CSMD1: variants seen among roughly 807,000 people sequenced by gnomAD.
CSMD1 encodes CUB and sushi domain-containing protein 1.
Under a neutral mutation model 417.5 loss-of-function variants are expected in CSMD1, and 213 were observed. That is an observed-to-expected ratio of 0.51 (90% CI 0.46 to 0.57). The LOEUF is 0.57. Among genes scored for constraint, CSMD1 ranks in the 20% least tolerant of loss-of-function variants. CSMD1 has a pLI of 0.00. For missense variants in CSMD1, 6,923 were observed against 4,529.7 expected, an observed-to-expected ratio of 1.53 and a Z score of -15.17; for synonymous variants, 2,862 against 1,736.8, an observed-to-expected ratio of 1.65 and a Z score of -16.11.
intron 7 of CSMD1, among the ~76,000 whole-genome samples, chr8:3,633,926 T>A (rs1448621651): frequency 6.6e-6 from 1 of 152,190 alleles, no homozygotes; most frequent in African/African-American, 2.4e-5. Context: ...ATAAAATACA[T>A]AAAATATATC....
At chr8:3,394,992 A>C (rs1436806106) in intron 17 of CSMD1, among the ~76,000 whole-genome samples, 1 of 152,156 alleles carries the variant, frequency 6.6e-6, no homozygotes, top group Non-Finnish European at 1.5e-5. Flanking sequence ...TACTTATATG[A>C]GTATGTAAAA....
chr8:3,151,407 G>C lies in CSMD1; in HGVS notation c.6021C>G (p.Pro2007=). ...NLDCTWRISL[P]IGYGAHIQFL... is the part of the protein sequence containing the mutation. ...AACATTTTCACTTACCATAGCCGAT[G>C]GGTAATGAGATCCTCCAGGTGCAGT... is the stretch of plus-strand genomic sequence containing the variant. The change falls in exon 40 of 70, where the codon CCC becomes CCG. Residue 2007 remains proline (P), a synonymous_variant. Transcript: ENST00000635120. 6.2e-7 allele frequency: 1 copy of C among 1,607,478 alleles called. No homozygotes were observed. The highest frequency in any genetic ancestry group is 8.5e-7 in the Non-Finnish European group (1 of 1,174,390).
chr8:3,249,839 A>C (rs577860920), intron 26 of CSMD1, among the ~76,000 whole-genome samples: 2 of 152,314 alleles, frequency 1.3e-5, no homozygotes, highest in African/African-American at 4.8e-5. Flanking sequence ...TATTTTGCAA[A>C]TGGCTAATGG....
chr8:3,673,999 TC>T (rs1249902829), intron 7 of CSMD1, among the ~76,000 whole-genome samples: 1 of 152,096 alleles, frequency 6.6e-6, no homozygotes, highest in Non-Finnish European at 1.5e-5. Context: ...ATGCCTGTGG[TC>T]CCAGCCACTG....
In CSMD1 at chr8:2,936,967, A is replaced by C. The variant is rs1801528413; in HGVS notation, c.*1618T>G. 6.6e-6 allele frequency: 1 copy of C among 152,264 alleles called. No individual in the cohort carries two copies. Among genetic ancestry groups the C allele is most frequent in the African/African-American group, 2.4e-5 (1 of 41,466 alleles). 9.4% of individuals were successfully genotyped at this position (152,264 alleles called of 1,614,324 possible). ...CGCCAATCTAAAATGTGAAACAGAG[A>C]AAATCTGCCACAATTGAATAGGAAC... On this transcript the variant is annotated 3_prime_UTR_variant, in exon 70 of 70. Transcript: ENST00000635120.
Position 3,708,405 on chromosome 8 carries a change from G to A in CSMD1, c.1009+9C>T, listed in dbSNP as rs1447770013. ...TATCAATCCTCAGATAGAAAGGAAAGGGACTCACAGACAGAGTTTTTATGG... is the reference window on the plus strand; with the variant it reads ...TATCAATCCTCAGATAGAAAGGAAAAGGACTCACAGACAGAGTTTTTATGG... On this transcript the variant is annotated intron_variant, in intron 7 of 69. Coordinates refer to ENST00000635120, the MANE Select transcript of CSMD1 (RefSeq NM_033225.6). The A allele has an allele frequency of 6.8e-6, 11 of 1,612,398 alleles. No homozygotes were observed. Among genetic ancestry groups the A allele is most frequent in the Admixed American group, 1.7e-5 (1 of 60,014 alleles).
At chr8:4,173,710 G>A (rs1048088336) in intron 3 of CSMD1, among the ~76,000 whole-genome samples, 1 of 152,074 alleles carries the variant, frequency 6.6e-6, no homozygotes, top group African/African-American at 2.4e-5. Context: ...AAATAATTCA[G>A]CAATCAATGA....
At chr8:3,015,079 GT>G (rs1222966995) in intron 52 of CSMD1, among the ~76,000 whole-genome samples, 1 of 144,468 alleles carries the variant, frequency 6.9e-6, no homozygotes, top group Non-Finnish European at 1.5e-5. Flanking sequence ...AATTAAAAAA[GT>G]TTTTAAAAGC....
chr8:3,086,925 T>G (rs528038572), intron 49 of CSMD1, among the ~76,000 whole-genome samples, 172 bp downstream of exon 49: 19 of 152,336 alleles, frequency 1.2e-4, no homozygotes, highest in Admixed American at 1.2e-3. Context: ...TACAACTACA[T>G]GTCAGGAAAG....
intron 5 of CSMD1, among the ~76,000 whole-genome samples, chr8:3,934,891 G>T (rs553744792): frequency 4.6e-4 from 70 of 152,166 alleles, no homozygotes; most frequent in African/African-American, 1.7e-3. Context: ...TGGTATATCT[G>T]TTTGAGTTTT....
chr8:3,909,849 G>C (rs1433616393), intron 5 of CSMD1, among the ~76,000 whole-genome samples: 3 of 152,160 alleles, frequency 2.0e-5, no homozygotes, highest in Non-Finnish European at 4.4e-5. Flanking sequence ...CGTATGTCCT[G>C]CTGTATACAA....
chr8:2,957,417 G>A (rs1803093871), intron 63 of CSMD1, among the ~76,000 whole-genome samples: 1 of 152,058 alleles, frequency 6.6e-6, no homozygotes, highest in Non-Finnish European at 1.5e-5. Flanking sequence ...ATCTCCTGGA[G>A]CGCTTGTTAA....
At chr8:4,512,727 G>C (rs1174814969) in intron 2 of CSMD1, among the ~76,000 whole-genome samples, 2 of 151,170 alleles carry the variant, frequency 1.3e-5, no homozygotes, top group African/African-American at 2.4e-5. Context: ...TATAAATCTA[G>C]CAAAATACAT....
intron 5 of CSMD1, among the ~76,000 whole-genome samples, chr8:3,958,665 A>G (rs1008375580): frequency 6.6e-6 from 1 of 152,210 alleles, no homozygotes; most frequent in Non-Finnish European, 1.5e-5. Context: ...CTATAAAAAC[A>G]AAATGTCAAA....
In CSMD1 at chr8:3,223,816, T is replaced by C. The variant is rs1585705128; in HGVS notation, c.4397A>G (p.Asn1466Ser). 1 of 1,613,750 alleles carries C rather than the reference T, an allele frequency of 6.2e-7. No individual in the cohort carries two copies. The highest frequency in any genetic ancestry group is 8.5e-7 in the Non-Finnish European group (1 of 1,179,820). ...TGPAGVILSP[N>S]YPQPYPPGKE... The stretch of plus-strand genomic sequence containing the variant: ...CCCAGGAGGATACGGCTGTGGGTAG[T>C]TGGGTGACAAAATAACACCTGCTGG... Residue 1466 changes from asparagine (N) to serine (S), a missense_variant, in exon 28 of 70, where the codon AAC (asparagine) becomes AGC (serine). Asn to Ser is a conservative substitution (Grantham distance 46). Transcript: ENST00000635120.
chr8:4,750,214 A>G (rs905432971), intron 1 of CSMD1, among the ~76,000 whole-genome samples: 1 of 151,844 alleles, frequency 6.6e-6, no homozygotes, highest in Non-Finnish European at 1.5e-5. Context: ...TCACCGTGTT[A>G]GCCACGATGG....
chr8:3,241,724 G>A (rs1050958250), intron 26 of CSMD1, among the ~76,000 whole-genome samples: 1 of 152,254 alleles, frequency 6.6e-6, no homozygotes, highest in East Asian at 1.9e-4. Context: ...CCTGGCCGCT[G>A]CGGTTCAGGC....
chr8:4,518,061 T>C (rs150634974), intron 2 of CSMD1, among the ~76,000 whole-genome samples: 450 of 152,330 alleles, frequency 3.0e-3, no homozygotes, highest in Admixed American at 6.0e-3. Flanking sequence ...GAAAGGTTTA[T>C]TAAGATTTTC....
At chr8:3,948,499 T>G (rs765116062) in intron 5 of CSMD1, among the ~76,000 whole-genome samples, 2 of 152,124 alleles carry the variant, frequency 1.3e-5, no homozygotes, top group Non-Finnish European at 2.9e-5. Context: ...TTGTTTTGAA[T>G]AGTTTGTCTT....
Sources: gnomAD v4.1 joint callset for allele counts (sites outside exome capture counted in the v4.1 genomes callset) on GRCh38, gnomAD v4.1.1 for gene constraint, MANE v1.5 for transcripts, NCBI Gene and HGNC (gene_info 2026-07-23, HGNC 2026-07-21) for gene names.